Variants in HERC3 observed in about 807,000 individuals in gnomAD.
HERC3 encodes probable E3 ubiquitin-protein ligase HERC3.
Under a neutral mutation model 129.9 loss-of-function variants are expected in HERC3, and 58 were observed. The observed-to-expected ratio is 0.45, with a 90% CI of 0.36 to 0.56. HERC3 has a LOEUF of 0.56. Among genes scored for constraint, HERC3 ranks in the 20% least tolerant of loss-of-function variants. The pLI is 0.00. For synonymous variants in HERC3, 430 were observed against 451.0 expected (o/e 0.95, Z 0.59); for missense variants, 835 against 1,244.2 (o/e 0.67, Z 4.95).
At chr4:88,694,960 C>T (rs181063178) in intron 23 of HERC3, among the ~76,000 whole-genome samples, 2 of 152,186 alleles carry the variant, frequency 1.3e-5, no homozygotes, top group East Asian at 1.9e-4. Flanking sequence ...CCAGTTGATT[C>T]TCTTGGGTTT....
At chr4:88,677,191 C>G (rs931414180) in intron 18 of HERC3, among the ~76,000 whole-genome samples, 20 of 151,878 alleles carry the variant, frequency 1.3e-4, no homozygotes, top group Admixed American at 1.3e-3. Context: ...CAAAAACAGA[C>G]AGAAGGCTGG....
chr4:88,558,769 C>T, the HERC3 span, among the ~76,000 whole-genome samples: 1 of 151,784 alleles, frequency 6.6e-6, no homozygotes, highest in Non-Finnish European at 1.5e-5. Context: ...CGAGACCATC[C>T]TGGCTAACAT....
intron 3 of HERC3, among the ~76,000 whole-genome samples, chr4:88,628,774 G>T (rs988690645): frequency 6.6e-6 from 1 of 152,166 alleles, no homozygotes; most frequent in Non-Finnish European, 1.5e-5. Context: ...AAAACAATCT[G>T]CAGGCTTGGG....
At chr4:88,523,916 C>T in the HERC3 span, 1 of 531,240 alleles carries the variant, frequency 1.9e-6, no homozygotes, top group Non-Finnish European at 3.2e-6. Flanking sequence ...AGGACAGCCC[C>T]AGGGCAGAGG....
In HERC3 at chr4:88,681,144, A is replaced by G; in HGVS notation, c.2341-15A>G. Reference sequence around the variant, plus strand: ...TTGCATTTCTTTTTAACACATTTGTATGTGTCCTAAAAAGTGTTTTGTAGA... The same window carrying G: ...TTGCATTTCTTTTTAACACATTTGTGTGTGTCCTAAAAAGTGTTTTGTAGA... On this transcript the variant is annotated splice_polypyrimidine_tract_variant and intron_variant, in intron 20 of 25. Coordinates refer to ENST00000402738, the MANE Select transcript of HERC3 (RefSeq NM_014606.3). The G allele has an allele frequency of 1.9e-6, 3 of 1,592,996 alleles. No individual in the cohort carries two copies. Among genetic ancestry groups the G allele is most frequent in the Middle Eastern group, 1.7e-4 (1 of 5,940 alleles).
chr4:88,686,944 G>T, intron 22 of HERC3, 142 bp downstream of exon 22: 1 of 697,836 alleles, frequency 1.4e-6, no homozygotes, highest in South Asian at 1.8e-5. Flanking sequence ...ATAGTGTCTT[G>T]AGTGTTATAG....
At chr4:88,548,104 G>A in the HERC3 span, among the ~76,000 whole-genome samples, 1 of 152,076 alleles carries the variant, frequency 6.6e-6, no homozygotes, top group Non-Finnish European at 1.5e-5. Context: ...TTCATCAGTT[G>A]ATACACAATT....
the HERC3 span, among the ~76,000 whole-genome samples, chr4:88,545,378 A>G: frequency 6.6e-6 from 1 of 150,496 alleles, no homozygotes; most frequent in Non-Finnish European, 1.5e-5. Flanking sequence ...ACTTTACAAC[A>G]CATATTTAAA....
At chr4:88,538,600 G>A in the HERC3 span, among the ~76,000 whole-genome samples, 1 of 147,812 alleles carries the variant, frequency 6.8e-6, no homozygotes, top group Middle Eastern at 3.6e-3. Flanking sequence ...CTGGAGTGCA[G>A]TGGTGCGATC....
chr4:88,693,536 A>G, intron 23 of HERC3: 1 of 959,724 alleles, frequency 1.0e-6, no homozygotes, highest in African/African-American at 1.8e-5. Flanking sequence ...TATTTGTTTA[A>G]AAAATGAATT....
intron 21 of HERC3, among the ~76,000 whole-genome samples, chr4:88,684,551 A>T (rs1037743369): frequency 1.4e-4 from 21 of 152,228 alleles, no homozygotes. Context: ...ACCATTCAGG[A>T]CATAGGCATG....
chr4:88,557,350 T>C, the HERC3 span, among the ~76,000 whole-genome samples: 1 of 152,210 alleles, frequency 6.6e-6, no homozygotes, highest in African/African-American at 2.4e-5. Context: ...TAGTCATAAA[T>C]ACAGTCAAAT....
At position 88,605,765 on chromosome 4, in the gene HERC3, A is replaced by G. The variant is rs920898372; in HGVS notation, c.-29-30A>G. On this transcript the variant is annotated intron_variant, in intron 2 of 25. Coordinates refer to ENST00000402738, the MANE Select transcript of HERC3 (RefSeq NM_014606.3). ...TTCTATGACCTATTTCTTTTTAATT[A>G]AAAAATAATTTTTTTAAACTCTCTC... 2.9e-6 allele frequency: 4 copies of G among 1,367,934 alleles called. No individual in the cohort carries two copies. The African/African-American group carries it at 5.9e-5, about 20-fold the overall frequency. 84.7% of individuals were successfully genotyped at this position (1,367,934 alleles called of 1,614,324 possible).
chr4:88,568,138 A>T, the HERC3 span, among the ~76,000 whole-genome samples: 7,315 of 152,262 alleles, frequency 0.048, 423 homozygotes, highest in East Asian at 0.28. Context: ...AGACAAACAG[A>T]GTCTCTCTCT....
intron 12 of HERC3, among the ~76,000 whole-genome samples, chr4:88,665,386 A>G (rs1021312304): frequency 1.3e-5 from 2 of 152,212 alleles, no homozygotes; most frequent in Non-Finnish European, 1.5e-5. Context: ...CTGCTGGTGT[A>G]AGTATTGGAG....
chr4:88,566,327 ATGAGAGCTTAATAC>A, the HERC3 span, among the ~76,000 whole-genome samples: 1 of 152,208 alleles, frequency 6.6e-6, no homozygotes, highest in African/African-American at 2.4e-5. Context: ...TTTTAACCTG[ATGAGAGCTTAATAC>A]TGATTGCAAA....
At chr4:88,525,629 A>G in the HERC3 span, among the ~76,000 whole-genome samples, 1 of 152,376 alleles carries the variant, frequency 6.6e-6, no homozygotes, top group South Asian at 2.1e-4. Context: ...TAGGGGAAGA[A>G]TAGAGAGTAA....
the HERC3 span, among the ~76,000 whole-genome samples, chr4:88,584,884 G>A: frequency 6.6e-6 from 1 of 152,150 alleles, no homozygotes. Flanking sequence ...GAGGGATCTG[G>A]GTGACAACTT....
At chr4:88,685,446 A>G (rs1733322073) in intron 21 of HERC3, among the ~76,000 whole-genome samples, 1 of 152,220 alleles carries the variant, frequency 6.6e-6, no homozygotes, top group Non-Finnish European at 1.5e-5. Flanking sequence ...TGTCCTTTGC[A>G]GGGACATGGA....
Sources: allele counts gnomAD v4.1 joint callset (sites outside exome capture counted in the v4.1 genomes callset), GRCh38; gene constraint gnomAD v4.1.1; transcripts MANE v1.5; gene names NCBI Gene and HGNC (gene_info 2026-07-23, HGNC 2026-07-21).